Variants in KLK6 observed in about 807,000 individuals in gnomAD.
The protein encoded by KLK6 is kallikrein related peptidase 6.
In KLK6, 16 loss-of-function variants were observed where a neutral mutation model predicts 21.7. The observed-to-expected ratio is 0.74, with a 90% CI of 0.50 to 1.12. KLK6 has a LOEUF of 1.12. KLK6 is among the 50% of genes most tolerant of loss of function. The pLI is 0.00. For synonymous variants in KLK6, 116 were observed against 120.1 expected, an observed-to-expected ratio of 0.97 and a Z score of 0.22; for missense variants, 276 against 304.6, an observed-to-expected ratio of 0.91 and a Z score of 0.70.
chr19:50,962,267 C>T (rs1457840086), intron 5 of KLK6: 1 of 185,390 alleles, frequency 5.4e-6, no homozygotes, highest in Non-Finnish European at 1.1e-5. Context: ...CTGTACCCCT[C>T]CTGATCAGTA....
intron 4 of KLK6, among the ~76,000 whole-genome samples, chr19:50,964,031 C>T (rs1293505331): frequency 6.6e-6 from 1 of 152,180 alleles, no homozygotes; most frequent in Non-Finnish European, 1.5e-5. Flanking sequence ...CTCAACGTGG[C>T]ACACCAGGCC....
At chr19:50,966,950 G>C (rs1486955610) in intron 4 of KLK6, among the ~76,000 whole-genome samples, 2 of 151,270 alleles carry the variant, frequency 1.3e-5, no homozygotes, top group Non-Finnish European at 3.0e-5. Flanking sequence ...AATTTTGCTT[G>C]TTTTTTTTTG....
rs1199067304 is a variant in KLK6, at chr19:50,959,232, TCTC to T, written c.664_666del (p.Glu222del). ...CAGACGTTGGTGTAGACTCCTGGCTTCTCCTTTGATCCACAGGGGATGTTACCC... is the reference window on the plus strand; with the variant it reads ...CAGACGTTGGTGTAGACTCCTGGCTTCTTTGATCCACAGGGGATGTTACCC... On this transcript the variant is annotated inframe_deletion, in exon 7 of 7. Coordinates refer to ENST00000310157, the MANE Select transcript of KLK6 (RefSeq NM_002774.4). 2 of 1,613,922 alleles carry T rather than the reference TCTC, an allele frequency of 1.2e-6. No individual in the cohort carries two copies. The highest frequency in any genetic ancestry group is 4.5e-5 in the East Asian group (2 of 44,858).
chr19:50,967,171 T>A lies in KLK6; in HGVS notation c.195A>T (p.Lys65Asn), dbSNP rs2122165461. 1.9e-6 allele frequency: 3 copies of A among 1,608,926 alleles called. No homozygotes were observed. In the South Asian group the frequency reaches 3.3e-5, roughly 18 times the overall value. The part of the protein sequence containing the change: ...LWVLTAAHCK[K>N]PNLQVFLGKH... ...GTTCATTTACAGTGTAGACTCACGGTTTTTTGCAGTGGGCAGCTGTGAGGA... is the reference window on the plus strand; with the variant it reads ...GTTCATTTACAGTGTAGACTCACGGATTTTTGCAGTGGGCAGCTGTGAGGA... Residue 65 changes from lysine to asparagine, a missense_variant and splice_region_variant, in exon 4 of 7, where the codon AAA becomes AAT. Physicochemically the swap from Lys to Asn is moderately conservative, Grantham distance 94. Coordinates refer to ENST00000310157, the MANE Select transcript of KLK6 (RefSeq NM_002774.4).
In KLK6 at chr19:50,968,677, G is replaced by C. The variant is rs150983094; in HGVS notation, c.-59-86C>G. 3.5e-3 allele frequency: 574 copies of C among 161,804 alleles called. 5 individuals are homozygous for C. Among genetic ancestry groups the C allele is most frequent in the African/African-American group, 0.012 (497 of 41,738 alleles). 10.0% of individuals were successfully genotyped at this position (161,804 alleles called of 1,614,324 possible). A position where few individuals can be genotyped will look rare whatever the true frequency, so the allele number is the denominator to read the frequency against. ...TCAGATGCAGTGGCAGAGCCAAGCGGAGGACGCAGGGGCCGCAGAGCCCAG... is the reference window on the plus strand; with the variant it reads ...TCAGATGCAGTGGCAGAGCCAAGCGCAGGACGCAGGGGCCGCAGAGCCCAG... On this transcript the variant is annotated intron_variant, in intron 1 of 6. Coordinates refer to ENST00000310157, the MANE Select transcript of KLK6 (RefSeq NM_002774.4).
At chr19:50,960,215 A>G (rs920991653) in intron 6 of KLK6, among the ~76,000 whole-genome samples, 2 of 151,490 alleles carry the variant, frequency 1.3e-5, no homozygotes, top group African/African-American at 4.9e-5. Flanking sequence ...TATGCCTGGC[A>G]CTATTCTGTC....
intron 4 of KLK6, 87 bp downstream of exon 4, chr19:50,967,082 G>C: frequency 6.9e-7 from 1 of 1,450,676 alleles, no homozygotes; most frequent in East Asian, 2.3e-5. Flanking sequence ...GGGATGGGGG[G>C]GATGCCTATG....
At chr19:50,966,875 A>G (rs2090934519) in intron 4 of KLK6, among the ~76,000 whole-genome samples, 1 of 152,178 alleles carries the variant, frequency 6.6e-6, no homozygotes, top group Admixed American at 6.5e-5. Flanking sequence ...CCAAATGCCC[A>G]TCACGCCCTG....
At position 50,967,281 on chromosome 19, in the gene KLK6, C is replaced by T. The variant is rs1195056349; in HGVS notation, c.85G>A (p.Asp29Asn). ...QNKLVHGGPC[D>N]KTSHPYQAAL... The stretch of plus-strand genomic sequence containing the variant: ...GCTTGGTAGGGGTGAGATGTCTTGT[C>T]GCAGGGTCCGCCATGCACCAACTTA... The change falls in exon 4 of 7, where the codon GAC becomes AAC. Residue 29 changes from aspartate to asparagine, a missense_variant. By Grantham distance (23) the Asp-to-Asn change is conservative. Coordinates refer to ENST00000310157, the MANE Select transcript of KLK6 (RefSeq NM_002774.4). 56 of 1,613,682 alleles carry T rather than the reference C, an allele frequency of 3.5e-5. No homozygotes were observed. The highest frequency in any genetic ancestry group is 1.1e-4 in the African/African-American group (8 of 74,850).
In KLK6 at chr19:50,963,482, C is replaced by G. The variant is rs2090878519; in HGVS notation, c.265G>C (p.Val89Leu). The G allele has an allele frequency of 5.0e-6, 8 of 1,614,062 alleles. No homozygotes were observed. Among genetic ancestry groups the G allele is most frequent in the Admixed American group, 1.7e-5 (1 of 59,996 alleles). The change falls in exon 5 of 7, where the codon GTT becomes CTT. Residue 89 changes from valine (V) to leucine (L), a missense_variant. By Grantham distance (32) the Val-to-Leu change is conservative. Transcript: ENST00000310157. The stretch of plus-strand genomic sequence containing the variant: ...TCAGGGTGGATCACAGCCCGGACAA[C>G]AGAACTCTGCTCCTGGGAACTCTCC... ...QRESSQEQSS[V>L]VRAVIHPDYD...
chr19:50,961,916 C>T, intron 5 of KLK6, 36 bp from the exon 6 acceptor site: 1 of 1,602,118 alleles, frequency 6.2e-7, no homozygotes, highest in Non-Finnish European at 8.5e-7. Flanking sequence ...TCAGCCCAGG[C>T]CTTGCACTCC....
chr19:50,964,849 C>T (rs2090900305), intron 4 of KLK6, among the ~76,000 whole-genome samples: 1 of 152,218 alleles, frequency 6.6e-6, no homozygotes, highest in Admixed American at 6.5e-5. Flanking sequence ...CCTTATCTCC[C>T]AGCACCTTCT....
At chr19:50,960,322 C>T (rs2090821745) in intron 6 of KLK6, among the ~76,000 whole-genome samples, 1 of 152,052 alleles carries the variant, frequency 6.6e-6, no homozygotes, top group Non-Finnish European at 1.5e-5. Context: ...CTGTCTCTGT[C>T]CCTGTTTCTG....
intron 3 of KLK6, among the ~76,000 whole-genome samples, chr19:50,967,551 A>ACACACACAC (rs1555781646): frequency 1.8e-4 from 26 of 143,320 alleles, no homozygotes; most frequent in East Asian, 4.2e-4. Flanking sequence ...ACACACACAC[A>ACACACACAC]AATTAGCAGG....
At position 50,968,070 on chromosome 19, in the gene KLK6, GCAAT is replaced by G; in HGVS notation, c.31_34del (p.Ile11LeufsTer82). 1 of 1,613,760 alleles carries G rather than the reference GCAAT, an allele frequency of 6.2e-7. No homozygotes were observed. Among genetic ancestry groups the G allele is most frequent in the Non-Finnish European group, 8.5e-7 (1 of 1,179,906 alleles). The stretch of plus-strand genomic sequence containing the variant: ...TCCAAATGCCCTTTCCCCACCTGCA[GCAAT>G]CAGACTCAGCACCACCATCAGCTTC... On this transcript the variant is annotated frameshift_variant, in exon 3 of 7. Transcript: ENST00000310157. LOFTEE classifies it high-confidence loss of function.
chr19:50,959,424 A>G, intron 6 of KLK6, 108 bp from the exon 7 acceptor site: 1 of 958,616 alleles, frequency 1.0e-6, no homozygotes, highest in Non-Finnish European at 1.6e-6. Context: ...AGAGAGAGGT[A>G]GAAAGGGACA....
chr19:50,959,165 C>T lies in KLK6; in HGVS notation c.734G>A (p.Ter245=), dbSNP rs548343311. The change falls in exon 7 of 7, where the codon TGA becomes TAA. Residue 245 remains the stop codon, a stop_retained_variant. Transcript: ENST00000310157. Reference sequence around the variant, plus strand: ...GGAGGTAGATGTCACATGTCAGGGTCACTTGGCCTGAATGGTTTTTTGGAT... The same window carrying T: ...GGAGGTAGATGTCACATGTCAGGGTTACTTGGCCTGAATGGTTTTTTGGAT... The part of the protein sequence containing the change: ...NWIQKTIQAK[*] The T allele has an allele frequency of 1.2e-5, 19 of 1,614,088 alleles. No homozygotes were observed. Among genetic ancestry groups the T allele is most frequent in the Middle Eastern group, 1.6e-4 (1 of 6,062 alleles).
intron 2 of KLK6, 95 bp from the exon 3 acceptor site, chr19:50,968,207 C>T: frequency 8.9e-7 from 1 of 1,120,186 alleles, no homozygotes; most frequent in Non-Finnish European, 1.4e-6. Context: ...TCCTTCCTGG[C>T]CTGCTATGGT....
intron 4 of KLK6, among the ~76,000 whole-genome samples, chr19:50,965,096 T>C (rs1184229384): frequency 6.6e-6 from 1 of 151,818 alleles, no homozygotes; most frequent in Non-Finnish European, 1.5e-5. Flanking sequence ...TTTGCTTCTT[T>C]TGTTTGTTTG....
Sources: gnomAD v4.1 joint callset for allele counts (sites outside exome capture counted in the v4.1 genomes callset) on GRCh38, gnomAD v4.1.1 for gene constraint, MANE v1.5 for transcripts, NCBI Gene and HGNC (gene_info 2026-07-23, HGNC 2026-07-21) for gene names.